The following SEMA6D variants were observed in gnomAD, a reference collection of about 807,000 sequenced individuals.
SEMA6D encodes semaphorin 6D.
In SEMA6D, 35 loss-of-function variants were observed where a neutral mutation model predicts 106.6. That is an observed-to-expected ratio of 0.33 (90% CI 0.25 to 0.44). The LOEUF is 0.44. Ranked by LOEUF, SEMA6D falls within the 20% of genes least tolerant of loss-of-function variation. The pLI, the probability that SEMA6D is intolerant of heterozygous loss-of-function variation, is 1.00. For synonymous variants in SEMA6D, 499 were observed against 487.7 expected, an observed-to-expected ratio of 1.02 and a Z score of -0.31; for missense variants, 1,185 against 1,345.9, an observed-to-expected ratio of 0.88 and a Z score of 1.87.
chr15:47,744,862 G>T (rs2081035727), intron 1 of SEMA6D, among the ~76,000 whole-genome samples: 1 of 152,150 alleles, frequency 6.6e-6, no homozygotes, highest in African/African-American at 2.4e-5. Context: ...CTTTTTCAAT[G>T]CAGGCACCAA....
intron 4 of SEMA6D, among the ~76,000 whole-genome samples, chr15:47,664,998 C>T (rs376839706): frequency 4.6e-5 from 7 of 152,158 alleles, no homozygotes; most frequent in African/African-American, 7.2e-5. Flanking sequence ...GGTGGGGGGG[C>T]GTGGTTAACA....
intron 1 of SEMA6D, among the ~76,000 whole-genome samples, chr15:47,332,741 C>A (rs2037392348): frequency 6.6e-6 from 1 of 152,096 alleles, no homozygotes; most frequent in Non-Finnish European, 1.5e-5. Flanking sequence ...GCCAGATTAG[C>A]CTTTAGGGCT....
chr15:47,621,852 A>G (rs1168740629), intron 4 of SEMA6D, among the ~76,000 whole-genome samples: 1 of 152,228 alleles, frequency 6.6e-6, no homozygotes, highest in Admixed American at 6.5e-5. Flanking sequence ...TAGTACATAT[A>G]GAAGACATAT....
intron 2 of SEMA6D, among the ~76,000 whole-genome samples, chr15:47,456,387 A>G (rs1367939285): frequency 6.6e-6 from 1 of 152,054 alleles, no homozygotes; most frequent in Non-Finnish European, 1.5e-5. Context: ...TCTAAGTAGT[A>G]TTAGCAGTTG....
intron 1 of SEMA6D, among the ~76,000 whole-genome samples, chr15:47,719,321 C>T (rs1311705182): frequency 6.6e-6 from 1 of 152,142 alleles, no homozygotes; most frequent in Admixed American, 6.5e-5. Context: ...CGCAGCACAT[C>T]GTTACTATAG....
intron 3 of SEMA6D, among the ~76,000 whole-genome samples, chr15:47,588,165 A>G (rs568323393): frequency 2.1e-4 from 32 of 152,236 alleles, no homozygotes; most frequent in African/African-American, 7.2e-4. Context: ...TGGCCAGCCC[A>G]GAGGATCCCA....
At chr15:47,387,946 A>G (rs900283522) in intron 1 of SEMA6D, among the ~76,000 whole-genome samples, 7 of 152,230 alleles carry the variant, frequency 4.6e-5, no homozygotes, top group Non-Finnish European at 8.8e-5. Flanking sequence ...CTAAGCTCTA[A>G]TACTCAGAAT....
intron 18 of SEMA6D, among the ~76,000 whole-genome samples, chr15:47,769,856 T>C (rs941674808): frequency 1.6e-4 from 24 of 152,150 alleles, no homozygotes; most frequent in African/African-American, 5.8e-4. Flanking sequence ...ACATAGTATG[T>C]TTCCTTAGAC....
intron 3 of SEMA6D, among the ~76,000 whole-genome samples, chr15:47,533,021 G>C (rs969926950): frequency 2.6e-5 from 4 of 152,014 alleles, no homozygotes; most frequent in Admixed American, 1.3e-4. Context: ...ATCTTCCATG[G>C]CACATTCACA....
intron 4 of SEMA6D, among the ~76,000 whole-genome samples, chr15:47,676,478 A>G (rs1045208631): frequency 1.3e-5 from 2 of 152,216 alleles, no homozygotes; most frequent in South Asian, 2.1e-4. Context: ...TTGGTCAACA[A>G]TTAGTGCCAT....
intron 1 of SEMA6D, among the ~76,000 whole-genome samples, chr15:47,374,217 T>C (rs1395865390): frequency 6.6e-6 from 1 of 152,152 alleles, no homozygotes; most frequent in Non-Finnish European, 1.5e-5. Context: ...CTGAAACATT[T>C]ATTTGGAAGA....
rs150193131 is a variant in SEMA6D, at chr15:47,771,879, T to C, written c.*94T>C. 1,117 of 1,317,800 alleles carry C rather than the reference T, an allele frequency of 8.5e-4. 9 individuals carry two copies. The African/African-American group carries it at 0.015, about 18-fold the overall frequency. 81.6% of individuals were successfully genotyped at this position (1,317,800 alleles called of 1,614,324 possible). A position where few individuals can be genotyped will look rare whatever the true frequency, so the allele number is the denominator to read the frequency against. ...TACCTTAAAACAAGAGACTCGCTTG[T>C]ATTTTAAGAGAACCAAGTGGCCAAA... is the stretch of plus-strand genomic sequence containing the variant. On this transcript the variant is annotated 3_prime_UTR_variant, in exon 19 of 19. Coordinates refer to ENST00000536845, the MANE Select transcript of SEMA6D (RefSeq NM_001358351.3).
At chr15:47,694,656 G>A (rs1400837482) in intron 4 of SEMA6D, among the ~76,000 whole-genome samples, 2 of 151,958 alleles carry the variant, frequency 1.3e-5, no homozygotes, top group African/African-American at 4.8e-5. Flanking sequence ...GATACAAATA[G>A]CAATATTTTT....
chr15:47,700,289 GC>G, intron 4 of SEMA6D, among the ~76,000 whole-genome samples: 1 of 152,300 alleles, frequency 6.6e-6, no homozygotes, highest in South Asian at 2.1e-4. Flanking sequence ...TTCTTGGGAG[GC>G]CAAGGTGGGA....
At chr15:47,578,951 A>G (rs541922006) in intron 3 of SEMA6D, among the ~76,000 whole-genome samples, 1 of 152,320 alleles carries the variant, frequency 6.6e-6, no homozygotes, top group Admixed American at 6.5e-5. Flanking sequence ...TATCTTGCAT[A>G]TGTGGACCCC....
intron 1 of SEMA6D, among the ~76,000 whole-genome samples, chr15:47,197,259 C>T (rs556202738): frequency 1.2e-4 from 19 of 152,220 alleles, no homozygotes; most frequent in East Asian, 1.2e-3. Flanking sequence ...ACCCTGTATA[C>T]GAGGTTATCT....
chr15:47,577,922 G>A (rs1172332576), intron 3 of SEMA6D, among the ~76,000 whole-genome samples: 1 of 152,218 alleles, frequency 6.6e-6, no homozygotes, highest in Non-Finnish European at 1.5e-5. Flanking sequence ...GGAAGAAAAT[G>A]TAGGTGCCAG....
intron 1 of SEMA6D, among the ~76,000 whole-genome samples, chr15:47,355,976 C>G (rs1004077551): frequency 6.6e-6 from 1 of 152,204 alleles, no homozygotes; most frequent in African/African-American, 2.4e-5. Flanking sequence ...GCATAGTGAG[C>G]TCTGAGAATT....
chr15:47,720,841 C>G (rs982428770), intron 1 of SEMA6D, among the ~76,000 whole-genome samples: 1 of 152,226 alleles, frequency 6.6e-6, no homozygotes, highest in African/African-American at 2.4e-5. Flanking sequence ...GAAATAGGGT[C>G]ATTTTTCACC....
Sources: allele counts gnomAD v4.1 joint callset (sites outside exome capture counted in the v4.1 genomes callset), GRCh38; gene constraint gnomAD v4.1.1; transcripts MANE v1.5; gene names NCBI Gene and HGNC (gene_info 2026-07-23, HGNC 2026-07-21).